The following FANK1 variants were observed in gnomAD, a reference collection of about 807,000 sequenced individuals.
FANK1 encodes the protein fibronectin type 3 and ankyrin repeat domains protein 1.
FANK1 carries 44 observed loss-of-function variants against 45.3 expected under a neutral mutation model. The ratio of observed to expected loss-of-function variants is 0.97; its 90% CI spans 0.76 to 1.25. The LOEUF is 1.25. Ranked by LOEUF, FANK1 falls within the 50% of genes most tolerant of loss-of-function variation. The probability of loss-of-function intolerance (pLI) is 0.00; values close to 1 mark genes in which losing one functional copy is unlikely to be tolerated. For synonymous variants in FANK1, 149 were observed against 152.5 expected (o/e 0.98, Z 0.17); for missense variants, 391 against 424.4 (o/e 0.92, Z 0.69).
chr10:125,960,284 C>G (rs943056860), intron 1 of FANK1: 4 of 302,670 alleles, frequency 1.3e-5, no homozygotes, highest in African/African-American at 8.9e-5. Flanking sequence ...TTCAGGCATT[C>G]TGCATGCAGT....
At chr10:125,937,882 C>T (rs535038676) in intron 1 of FANK1, among the ~76,000 whole-genome samples, 10 of 152,258 alleles carry the variant, frequency 6.6e-5, no homozygotes, top group Middle Eastern at 3.4e-3. Flanking sequence ...AACTTTAACA[C>T]GCTTAACAGG....
chr10:125,960,072 T>C (rs1375647665), intron 1 of FANK1: 2 of 155,776 alleles, frequency 1.3e-5, no homozygotes, highest in African/African-American at 4.8e-5. Context: ...AGGACAAGGC[T>C]ACAGGAAAGG....
intron 1 of FANK1, chr10:125,972,950 C>T (rs1950615288): frequency 6.6e-6 from 1 of 152,426 alleles, no homozygotes; most frequent in Non-Finnish European, 1.4e-5. Flanking sequence ...ACTTTCCAAG[C>T]ACCACACCCA....
At position 125,995,460 on chromosome 10, in the gene FANK1, G is replaced by A. The variant is rs144707515; in HGVS notation, c.360G>A (p.Val120=). ...SSEHLHRAVS[V]NDEDLLVRIL... ...AGCACTTGCACCGGGCTGTCAGTGT[G>A]AATGATGAAGATTTGCTGGTCCGAA... The change falls in exon 4 of 11, where the codon GTG becomes GTA. Residue 120 remains valine, a synonymous_variant. Transcript: ENST00000368693. The A allele has an allele frequency of 1.1e-5, 18 of 1,614,092 alleles. No homozygotes were observed. The highest frequency in any genetic ancestry group is 4.5e-5 in the East Asian group (2 of 44,896).
At chr10:125,906,515 CAAAAAAAAAAAAAAA>C (rs34132526) in intron 1 of FANK1, among the ~76,000 whole-genome samples, 13 of 46,286 alleles carry the variant, frequency 2.8e-4, no homozygotes, top group East Asian at 1.3e-3. Context: ...GACTCTGTCT[CAAAAAAAAAAAAAAA>C]AAAAAAAAAA....
chr10:125,969,705 T>TCATAGGACATA lies in FANK1; in HGVS notation c.14-10456_14-10455insCATAGGACATA, dbSNP rs1171518917. Among the ~76,000 whole-genome samples, 5 of 152,216 alleles carry TCATAGGACATA rather than the reference T, an allele frequency of 3.3e-5. No individual in the cohort carries two copies. The East Asian group carries it at 9.7e-4, about 29-fold the overall frequency. On this transcript the variant is annotated intron_variant, in intron 1 of 10. Transcript: ENST00000368693. The stretch of plus-strand genomic sequence containing the variant: ...ATTTGGCAGGGTCATAGGACAATAG[T>TCATAGGACATA]GGAGAGAAGGTCAGCAGATAAACAT...
intron 1 of FANK1, chr10:125,973,434 G>A (rs1950644166): frequency 2.0e-6 from 2 of 985,240 alleles, no homozygotes; most frequent in Admixed American, 1.2e-4. Flanking sequence ...GTGAAGATGT[G>A]AGTCATTGTG....
chr10:125,980,450 C>A, intron 2 of FANK1, 112 bp downstream of exon 2: 2 of 1,229,908 alleles, frequency 1.6e-6, no homozygotes, highest in Non-Finnish European at 2.2e-6. Context: ...AATGAGTCAG[C>A]ATCATTTGTA....
In FANK1 at chr10:126,006,861, A is replaced by G. The variant is rs116702466; in HGVS notation, c.706-1546A>G. 8.8e-3 allele frequency among the ~76,000 whole-genome samples: 1,324 copies of G among 150,334 alleles called. 21 individuals carry two copies. Among genetic ancestry groups the G allele is most frequent in the African/African-American group, 0.029 (1,203 of 41,456 alleles). ...GGTGACAGAGTGAGACTCCATCTCA[A>G]ATAAATAAATCATTCACAATAGGGC... On this transcript the variant is annotated intron_variant, in intron 7 of 10. Coordinates refer to ENST00000368693, the MANE Select transcript of FANK1 (RefSeq NM_145235.5).
chr10:125,921,179 T>G (rs1234722567), intron 1 of FANK1, among the ~76,000 whole-genome samples: 2 of 152,224 alleles, frequency 1.3e-5, no homozygotes, highest in Admixed American at 1.3e-4. Context: ...GATTACAAAA[T>G]TATATGATCA....
chr10:125,963,858 G>T (rs1041110350), intron 1 of FANK1, among the ~76,000 whole-genome samples: 2 of 151,914 alleles, frequency 1.3e-5, no homozygotes, highest in African/African-American at 4.8e-5. Context: ...AAACCTGCAC[G>T]TTGTACACAT....
intron 1 of FANK1, among the ~76,000 whole-genome samples, chr10:125,946,216 G>GGAAC (rs1948787859): frequency 6.6e-6 from 1 of 152,026 alleles, no homozygotes; most frequent in African/African-American, 2.4e-5. Flanking sequence ...CTCCTCCAAA[G>GGAAC]GAACGCAGTT....
At position 125,897,998 on chromosome 10, in the gene FANK1, CAAAAAAAAAAAAAAAAAAAAAAA is replaced by C. The variant is rs373550249; in HGVS notation, c.13+1357_13+1379del. On this transcript the variant is annotated intron_variant, in intron 1 of 10. Transcript: ENST00000368693. ...AGTGAAACCCATCTCTACTAAAATA[CAAAAAAAAAAAAAAAAAAAAAAA>C]AAAAAAAAAAAAAGCCAGGTGTGGT... 8.3e-4 allele frequency among the ~76,000 whole-genome samples: 14 copies of C among 16,796 alleles called. 1 individual carries two copies. The South Asian group carries it at 0.013, about 16-fold the overall frequency. The allele number at this position is 16,796 out of a possible 152,430, so 11.0% of individuals were successfully genotyped here. A position where few individuals can be genotyped will look rare whatever the true frequency, so the allele number is the denominator to read the frequency against.
At chr10:125,905,553 A>G (rs1945430152) in intron 1 of FANK1, among the ~76,000 whole-genome samples, 1 of 152,308 alleles carries the variant, frequency 6.6e-6, no homozygotes, top group Admixed American at 6.5e-5. Context: ...TGGAATCTTT[A>G]AAAAATGACT....
chr10:125,912,479 TG>T (rs1946100912), intron 1 of FANK1, among the ~76,000 whole-genome samples: 1 of 120,820 alleles, frequency 8.3e-6, no homozygotes, highest in East Asian at 2.2e-4. Flanking sequence ...TGTGTGTGTG[TG>T]TGTGTGTTTT....
intron 1 of FANK1, among the ~76,000 whole-genome samples, chr10:125,946,801 A>G (rs560376439): frequency 1.8e-4 from 2 of 10,972 alleles, no homozygotes; most frequent in East Asian, 8.3e-3. Context: ...CAAGACACAT[A>G]TTTCCTCATA....
intron 1 of FANK1, among the ~76,000 whole-genome samples, chr10:125,930,972 T>A (rs1472173968): frequency 6.6e-6 from 1 of 152,154 alleles, no homozygotes; most frequent in African/African-American, 2.4e-5. Flanking sequence ...CAATCTTTGG[T>A]TTTCCATTCC....
intron 1 of FANK1, among the ~76,000 whole-genome samples, chr10:125,900,737 C>T (rs1425703391): frequency 1.3e-5 from 2 of 152,084 alleles, no homozygotes; most frequent in Non-Finnish European, 2.9e-5. Context: ...CTGCAACCTC[C>T]GCCTCCCAGG....
Position 125,989,106 on chromosome 10 carries a change from C to T in FANK1, c.316+431C>T, listed in dbSNP as rs576416371. 4.6e-5 allele frequency among the ~76,000 whole-genome samples: 7 copies of T among 152,314 alleles called. No individual in the cohort carries two copies. In the South Asian group the frequency reaches 1.0e-3, roughly 23 times the overall value. On this transcript the variant is annotated intron_variant, in intron 3 of 10. Coordinates refer to ENST00000368693, the MANE Select transcript of FANK1 (RefSeq NM_145235.5). ...TGCGTCTTAACTCGCCACACAAACC[C>T]GATTCCTGGGGTCACGGTGAGTGAG...
Sources: gnomAD v4.1 joint callset for allele counts (sites outside exome capture counted in the v4.1 genomes callset) on GRCh38, gnomAD v4.1.1 for gene constraint, MANE v1.5 for transcripts, NCBI Gene and HGNC (gene_info 2026-07-23, HGNC 2026-07-21) for gene names.